Variants in DLGAP2 observed in about 807,000 individuals in gnomAD.
DLGAP2 encodes DLG associated protein 2.
In DLGAP2, 26 loss-of-function variants were observed where a neutral mutation model predicts 100.3. That is an observed-to-expected ratio of 0.26 (90% CI 0.19 to 0.36). The LOEUF (loss-of-function observed/expected upper bound fraction) is 0.36, where lower values mean the gene tolerates loss of function less well. Among genes scored for constraint, DLGAP2 ranks in the 10% least tolerant of loss-of-function variants. The probability of loss-of-function intolerance (pLI) is 1.00; values close to 1 mark genes in which losing one functional copy is unlikely to be tolerated. For missense variants in DLGAP2, 1,858 were observed against 1,453.2 expected, an observed-to-expected ratio of 1.28 and a Z score of -4.53; for synonymous variants, 886 against 630.1, an observed-to-expected ratio of 1.41 and a Z score of -6.08.
intron 3 of DLGAP2, among the ~76,000 whole-genome samples, chr8:1,288,292 G>A (rs1437226095): frequency 1.4e-5 from 2 of 146,362 alleles, no homozygotes; most frequent in African/African-American, 2.5e-5. Context: ...TTGGTTCAGC[G>A]TGTGTGTGTG....
chr8:912,454 G>A (rs1028042634), intron 2 of DLGAP2, among the ~76,000 whole-genome samples: 5 of 152,178 alleles, frequency 3.3e-5, no homozygotes, highest in African/African-American at 1.2e-4. Context: ...CTGACTTTCC[G>A]ATGCTGAGTG....
intron 2 of DLGAP2, among the ~76,000 whole-genome samples, chr8:977,772 T>C (rs1800207033): frequency 7.5e-6 from 1 of 133,246 alleles, no homozygotes; most frequent in South Asian, 2.5e-4. Flanking sequence ...TTTGGTGTTG[T>C]GGGGAGGGCG....
At chr8:1,657,583 T>C (rs1054285614) in intron 8 of DLGAP2, among the ~76,000 whole-genome samples, 1 of 152,220 alleles carries the variant, frequency 6.6e-6, no homozygotes, top group African/African-American at 2.4e-5. Context: ...ATTTTAACTT[T>C]AATGAGCCAT....
rs2272625 is a variant in DLGAP2 at position 1,626,815 on chromosome 8, G to A, written c.1518G>A (p.Pro506=). The change falls in exon 7 of 15, where the codon CCG becomes CCA. Residue 506 remains proline (P), a synonymous_variant. Transcript: ENST00000637795. ...ACCCCGCTGCGAACTACAACTCCCC[G>A]AAATTCCGCTCCCGGAACCAGAGCT... ...SLDPAANYNS[P]KFRSRNQSYM... is the part of the protein sequence containing the mutation. 2.3e-4 allele frequency: 372 copies of A among 1,605,274 alleles called. 3 individuals carry two copies. The East Asian group carries it at 2.8e-3, about 12-fold the overall frequency.
chr8:1,345,031 C>G (rs931276612), intron 3 of DLGAP2, among the ~76,000 whole-genome samples: 1 of 152,212 alleles, frequency 6.6e-6, no homozygotes, highest in African/African-American at 2.4e-5. Context: ...GACCATTCAT[C>G]TTTCAGAGGA....
rs148596841 is a variant in DLGAP2 at position 1,458,400 on chromosome 8, T to C, written c.107-42966T>C. On this transcript the variant is annotated intron_variant, in intron 3 of 14. Transcript: ENST00000637795. ...TTCAGGTAGAAGTTATTCTAACATG[T>C]ATCATACCTGGCCTTTTATTGTGTT... is the stretch of plus-strand genomic sequence containing the variant. Among the ~76,000 whole-genome samples the C allele has an allele frequency of 3.9e-5, 6 of 152,314 alleles. No homozygotes were observed. The East Asian group carries it at 1.2e-3, about 29-fold the overall frequency.
chr8:1,258,642 A>G (rs139886149), intron 2 of DLGAP2, among the ~76,000 whole-genome samples: 249 of 152,318 alleles, frequency 1.6e-3, no homozygotes, highest in African/African-American at 5.3e-3. Flanking sequence ...TGTCATCTGT[A>G]AAACATTTGC....
At position 1,666,635 on chromosome 8, in the gene DLGAP2, G is replaced by A. The variant is rs1798550628; in HGVS notation, c.1811-1694G>A. 3.3e-5 allele frequency among the ~76,000 whole-genome samples: 5 copies of A among 150,918 alleles called. No individual in the cohort carries two copies. The South Asian group carries it at 6.3e-4, about 19-fold the overall frequency. Reference sequence around the variant, plus strand: ...GCAGAGGCTGCAGTGAGCTCAGATCGCCCCACTGCACTCCAGCCTGGGCAA... The same window carrying A: ...GCAGAGGCTGCAGTGAGCTCAGATCACCCCACTGCACTCCAGCCTGGGCAA... On this transcript the variant is annotated intron_variant, in intron 8 of 14. Coordinates refer to ENST00000637795, the MANE Select transcript of DLGAP2 (RefSeq NM_001346810.2).
chr8:1,159,409 A>G (rs557935599), intron 2 of DLGAP2, among the ~76,000 whole-genome samples: 1 of 152,244 alleles, frequency 6.6e-6, no homozygotes, highest in African/African-American at 2.4e-5. Context: ...TCAAAAATGC[A>G]TCTCAGAGCC....
chr8:1,349,175 C>G (rs1801643419), intron 3 of DLGAP2, among the ~76,000 whole-genome samples: 1 of 150,722 alleles, frequency 6.6e-6, no homozygotes, highest in Admixed American at 6.6e-5. Context: ...CACAGCTTTA[C>G]AAAACACAGC....
At chr8:1,684,455 T>TAAAG (rs1424181373) in intron 12 of DLGAP2, among the ~76,000 whole-genome samples, 2 of 152,090 alleles carry the variant, frequency 1.3e-5, no homozygotes. Flanking sequence ...CTTTTTAAAA[T>TAAAG]AAAGATTAAA....
intron 2 of DLGAP2, among the ~76,000 whole-genome samples, chr8:1,197,084 C>T (rs1260097718): frequency 6.6e-6 from 1 of 152,114 alleles, no homozygotes; most frequent in African/African-American, 2.4e-5. Flanking sequence ...TCTCCTTTCT[C>T]CACCTTTTTG....
At chr8:836,012 C>T (rs1380437899) in intron 1 of DLGAP2, among the ~76,000 whole-genome samples, 1 of 152,174 alleles carries the variant, frequency 6.6e-6, no homozygotes, top group Non-Finnish European at 1.5e-5. Context: ...GACTTTTTGT[C>T]CATGAGTGTG....
chr8:1,573,188 G>A (rs1214155982), intron 6 of DLGAP2, among the ~76,000 whole-genome samples: 1 of 139,830 alleles, frequency 7.2e-6, no homozygotes, highest in African/African-American at 2.8e-5. Flanking sequence ...ATGAGAGAGG[G>A]TGAAGTGTCA....
At chr8:953,638 G>A (rs1388560625) in intron 2 of DLGAP2, among the ~76,000 whole-genome samples, 1 of 152,070 alleles carries the variant, frequency 6.6e-6, no homozygotes, top group Admixed American at 6.6e-5. Flanking sequence ...CCCAATGACT[G>A]TGGTTTTGTC....
At chr8:868,297 G>A (rs1013230871) in intron 1 of DLGAP2, among the ~76,000 whole-genome samples, 8 of 152,182 alleles carry the variant, frequency 5.3e-5, no homozygotes, top group Admixed American at 2.0e-4. Context: ...GGTGTGTCTC[G>A]TTGTTAGTGT....
At chr8:1,116,608 C>A (rs1805125330) in intron 2 of DLGAP2, among the ~76,000 whole-genome samples, 1 of 152,104 alleles carries the variant, frequency 6.6e-6, no homozygotes, top group Non-Finnish European at 1.5e-5. Context: ...CCAGCCTGGG[C>A]AACTTGGCAA....
intron 2 of DLGAP2, among the ~76,000 whole-genome samples, chr8:978,921 C>A (rs573241690): frequency 6.6e-6 from 1 of 152,258 alleles, no homozygotes; most frequent in South Asian, 2.1e-4. Context: ...AAAATAACTC[C>A]GTAATCTTTC....
rs1343643016 is a variant in DLGAP2 at position 1,288,554 on chromosome 8, GTGT to G, written c.106+29672_106+29674del. Among the ~76,000 whole-genome samples, 23 of 47,748 alleles carry G rather than the reference GTGT, an allele frequency of 4.8e-4. 1 individual carries two copies. The highest frequency in any genetic ancestry group is 1.4e-3 in the African/African-American group (9 of 6,218). 31.3% of individuals were successfully genotyped at this position (47,748 alleles called of 152,430 possible). ...GTTTCAGTTGAGTGTGTGTGTGTGT[GTGT>G]GTGGTTAGGAGGGGAACTAGTTTCA... On this transcript the variant is annotated intron_variant, in intron 3 of 14. Transcript: ENST00000637795.
Sources: allele counts gnomAD v4.1 joint callset (sites outside exome capture counted in the v4.1 genomes callset), GRCh38; gene constraint gnomAD v4.1.1; transcripts MANE v1.5; gene names NCBI Gene and HGNC (gene_info 2026-07-23, HGNC 2026-07-21).